Variants in UNC5D observed in about 807,000 individuals in gnomAD.
UNC5D encodes unc-5 netrin receptor D.
In UNC5D, 39 loss-of-function variants were observed where a neutral mutation model predicts 105.4. The observed-to-expected ratio is 0.37, with a 90% CI of 0.29 to 0.48. The LOEUF is 0.48. Ranked by LOEUF, UNC5D falls within the 20% of genes least tolerant of loss-of-function variation. The pLI, the probability that UNC5D is intolerant of heterozygous loss-of-function variation, is 0.98. For synonymous variants in UNC5D, 452 were observed against 450.4 expected (o/e 1.00, Z -0.04); for missense variants, 991 against 1,202.4 (o/e 0.82, Z 2.60).
At chr8:35,731,773 C>G (rs542866203) in intron 11 of UNC5D, among the ~76,000 whole-genome samples, 1 of 152,098 alleles carries the variant, frequency 6.6e-6, no homozygotes, top group African/African-American at 2.4e-5. Flanking sequence ...ATGATTGATT[C>G]GTGATCCTTT....
chr8:35,568,377 T>C, intron 3 of UNC5D, 136 bp downstream of exon 3: 1 of 1,274,522 alleles, frequency 7.8e-7, no homozygotes, highest in Non-Finnish European at 1.1e-6. Context: ...TCTAAAATGT[T>C]ATTTTAAAAT....
chr8:35,462,820 A>C (rs1245714817), intron 1 of UNC5D, among the ~76,000 whole-genome samples: 1 of 151,982 alleles, frequency 6.6e-6, no homozygotes, highest in Non-Finnish European at 1.5e-5. Flanking sequence ...GTAATCAAAG[A>C]CTCCAGAATT....
At chr8:35,759,271 T>C (rs1830651283) in intron 13 of UNC5D, 49 bp from the exon 14 acceptor site, 1 of 1,600,932 alleles carries the variant, frequency 6.2e-7, no homozygotes, top group East Asian at 2.2e-5. Flanking sequence ...AATATGTAAG[T>C]AGCAGGATAT....
At chr8:35,750,900 G>A (rs1297240047) in intron 13 of UNC5D, 91 bp downstream of exon 13, 2 of 1,509,632 alleles carry the variant, frequency 1.3e-6, no homozygotes, top group African/African-American at 2.8e-5. Context: ...TATTACTGAG[G>A]GTCTAGAAAA....
At chr8:35,643,675 G>A (rs954442689) in intron 4 of UNC5D, among the ~76,000 whole-genome samples, 3 of 152,004 alleles carry the variant, frequency 2.0e-5, no homozygotes, top group Admixed American at 1.3e-4. Flanking sequence ...CCACTGGCCT[G>A]GGCTGCAGTT....
rs367874035 is a variant in UNC5D at position 35,503,439 on chromosome 8, GA to G, written c.104-45850del. On this transcript the variant is annotated intron_variant, in intron 1 of 16. Transcript: ENST00000404895. ...TCACTAGCATGAGAGCAGTATGGGG[GA>G]AACCACCCCCATGATTCAATTATCT... Among the ~76,000 whole-genome samples the G allele has an allele frequency of 3.3e-5, 5 of 152,094 alleles. No homozygotes were observed. The East Asian group carries it at 7.7e-4, about 24-fold the overall frequency.
At chr8:35,528,068 T>A (rs1298524782) in intron 1 of UNC5D, among the ~76,000 whole-genome samples, 82 of 148,922 alleles carry the variant, frequency 5.5e-4, no homozygotes, top group Admixed American at 2.3e-3. Context: ...TTTTATACTT[T>A]AAGTTTTAGG....
intron 1 of UNC5D, among the ~76,000 whole-genome samples, chr8:35,495,376 C>T (rs1209663027): frequency 1.3e-5 from 2 of 149,736 alleles, no homozygotes; most frequent in African/African-American, 5.0e-5. Flanking sequence ...TTTTAGCTTC[C>T]CTGGGCCACA....
chr8:35,291,272 G>A (rs1377877675), intron 1 of UNC5D, among the ~76,000 whole-genome samples: 1 of 152,082 alleles, frequency 6.6e-6, no homozygotes, highest in East Asian at 1.9e-4. Flanking sequence ...CATGCAAATG[G>A]GAACTGATAG....
chr8:35,743,814 A>C (rs1006318985), intron 11 of UNC5D, among the ~76,000 whole-genome samples: 91 of 152,172 alleles, frequency 6.0e-4, no homozygotes, highest in African/African-American at 2.1e-3. Flanking sequence ...GCTGTGAACA[A>C]GATGACCCTT....
intron 4 of UNC5D, among the ~76,000 whole-genome samples, chr8:35,651,756 A>C (rs765530947): frequency 1.3e-5 from 2 of 152,076 alleles, no homozygotes; most frequent in Non-Finnish European, 2.9e-5. Context: ...TATAGGTGAA[A>C]CTACACTCTT....
chr8:35,387,664 C>A (rs746379574), intron 1 of UNC5D, among the ~76,000 whole-genome samples: 10 of 152,106 alleles, frequency 6.6e-5, no homozygotes, highest in Non-Finnish European at 1.2e-4. Context: ...GGCTGTGCAA[C>A]GTTGAACAAG....
intron 1 of UNC5D, among the ~76,000 whole-genome samples, chr8:35,311,299 A>G (rs1808861255): frequency 6.6e-6 from 1 of 152,142 alleles, no homozygotes. Context: ...ACTGTGCCAA[A>G]AAGTCTGGAC....
chr8:35,510,914 A>G (rs1230769595), intron 1 of UNC5D, among the ~76,000 whole-genome samples: 1 of 152,226 alleles, frequency 6.6e-6, no homozygotes, highest in Non-Finnish European at 1.5e-5. Context: ...GAACAAATGT[A>G]CAGTAAAATT....
chr8:35,339,263 T>C (rs1811278040), intron 1 of UNC5D, among the ~76,000 whole-genome samples: 2 of 152,164 alleles, frequency 1.3e-5, no homozygotes. Flanking sequence ...AAAACATTTA[T>C]TTTCCCCATA....
In UNC5D at chr8:35,759,254, GA is replaced by G. The variant is rs57750796; in HGVS notation, c.2164-65del. 5.4e-3 allele frequency: 8,502 copies of G among 1,574,008 alleles called. 442 individuals carry two copies. In the African/African-American group the frequency reaches 0.1, roughly 19 times the overall value. ...ATGGTAGTGAGCATGTGTATCCCTA[GA>G]TAGGAAATATGTAAGTAGCAGGATA... On this transcript the variant is annotated intron_variant, in intron 13 of 16. Transcript: ENST00000404895.
chr8:35,707,186 C>T (rs978793564), intron 8 of UNC5D, among the ~76,000 whole-genome samples: 1 of 152,174 alleles, frequency 6.6e-6, no homozygotes, highest in Non-Finnish European at 1.5e-5. Context: ...AAATAGGTAA[C>T]TTGGGACAGG....
chr8:35,264,308 C>A (rs1042771977), intron 1 of UNC5D, among the ~76,000 whole-genome samples: 1 of 152,148 alleles, frequency 6.6e-6, no homozygotes, highest in Non-Finnish European at 1.5e-5. Context: ...GCAATACAGT[C>A]TATTGGGGTG....
chr8:35,253,912 T>G (rs908184883), intron 1 of UNC5D, among the ~76,000 whole-genome samples: 4 of 152,166 alleles, frequency 2.6e-5, no homozygotes, highest in African/African-American at 9.7e-5. Flanking sequence ...ACATGGGAAT[T>G]TTTTAGTCTG....
Sources: gnomAD v4.1 joint callset for allele counts (sites outside exome capture counted in the v4.1 genomes callset) on GRCh38, gnomAD v4.1.1 for gene constraint, MANE v1.5 for transcripts, NCBI Gene and HGNC (gene_info 2026-07-23, HGNC 2026-07-21) for gene names.